Variants in MICU2 observed in about 807,000 individuals in gnomAD.
The protein encoded by MICU2 is calcium uptake protein 2, mitochondrial.
In MICU2, 64 loss-of-function variants were observed where a neutral mutation model predicts 60.4. The observed-to-expected ratio is 1.06, with a 90% CI of 0.87 to 1.31. The LOEUF is 1.31. MICU2 is among the 50% of genes most tolerant of loss of function. MICU2 has a pLI of 0.00. For synonymous variants in MICU2, 201 were observed against 175.0 expected (o/e 1.15, Z -1.17); for missense variants, 569 against 531.0 (o/e 1.07, Z -0.70).
At chr13:21,555,877 A>C (rs1002592495) in intron 2 of MICU2, among the ~76,000 whole-genome samples, 4 of 152,168 alleles carry the variant, frequency 2.6e-5, no homozygotes, top group African/African-American at 7.2e-5. Context: ...TGGTATTATG[A>C]AGGAACTCTG....
At chr13:21,502,636 A>C (rs1301218600) in intron 9 of MICU2, among the ~76,000 whole-genome samples, 1 of 152,190 alleles carries the variant, frequency 6.6e-6, no homozygotes, top group Non-Finnish European at 1.5e-5. Flanking sequence ...CTTTTAAATA[A>C]TCTTGTTAAT....
chr13:21,575,723 CTG>C (rs1888210928), intron 1 of MICU2, among the ~76,000 whole-genome samples: 1 of 80,702 alleles, frequency 1.2e-5, no homozygotes, highest in Non-Finnish European at 2.1e-5. Flanking sequence ...GAGTGAGACT[CTG>C]TCTCAAAAAA....
chr13:21,511,358 A>G (rs1886423787), intron 7 of MICU2, among the ~76,000 whole-genome samples: 1 of 152,208 alleles, frequency 6.6e-6, no homozygotes, highest in Admixed American at 6.5e-5. Flanking sequence ...TGACAACTAT[A>G]CAAAGACACT....
At chr13:21,552,953 C>T (rs568315676) in intron 2 of MICU2, among the ~76,000 whole-genome samples, 143 of 152,198 alleles carry the variant, frequency 9.4e-4, no homozygotes, top group Non-Finnish European at 1.7e-3. Context: ...GTAGTTTTTT[C>T]CAATTCTGTG....
At chr13:21,579,022 T>C (rs571115235) in intron 1 of MICU2, among the ~76,000 whole-genome samples, 8 of 152,310 alleles carry the variant, frequency 5.3e-5, no homozygotes, top group African/African-American at 1.9e-4. Flanking sequence ...CCTTATACCA[T>C]GGTTGATTAA....
At chr13:21,602,962 C>G (rs1415654829) in intron 1 of MICU2, 1 of 127,668 alleles carries the variant, frequency 7.8e-6, no homozygotes, top group Admixed American at 9.7e-5. Context: ...AAATAGGGAA[C>G]TTGAATCTTT....
At chr13:21,564,382 C>A in intron 2 of MICU2, among the ~76,000 whole-genome samples, 1 of 151,972 alleles carries the variant, frequency 6.6e-6, no homozygotes, top group East Asian at 1.9e-4. Context: ...TTTTTCTTCT[C>A]CCCCGTTGTC....
intron 6 of MICU2, among the ~76,000 whole-genome samples, chr13:21,519,350 G>A (rs1886659276): frequency 6.6e-6 from 1 of 152,136 alleles, no homozygotes; most frequent in Non-Finnish European, 1.5e-5. Flanking sequence ...GAGCTACCGT[G>A]CCCACCCTCG....
At chr13:21,523,293 T>C (rs1344473905) in intron 4 of MICU2, among the ~76,000 whole-genome samples, 1 of 152,194 alleles carries the variant, frequency 6.6e-6, no homozygotes, top group African/African-American at 2.4e-5. Flanking sequence ...ATTGGTTCTG[T>C]TTCTCTGGAG....
chr13:21,564,167 T>G (rs774362254), intron 2 of MICU2, among the ~76,000 whole-genome samples: 34 of 152,214 alleles, frequency 2.2e-4, no homozygotes, highest in Non-Finnish European at 3.4e-4. Context: ...ATAAATCTGA[T>G]ACTGATATTT....
intron 2 of MICU2, among the ~76,000 whole-genome samples, chr13:21,549,836 C>G (rs1887509194): frequency 6.6e-6 from 1 of 152,026 alleles, no homozygotes; most frequent in Non-Finnish European, 1.5e-5. Flanking sequence ...AATTAATAAC[C>G]TCAAGTGGGA....
Position 21,498,369 on chromosome 13 carries a change from C to CTTTTT in MICU2, c.934-2214_934-2210dup, listed in dbSNP as rs34890922. Among the ~76,000 whole-genome samples the CTTTTT allele has an allele frequency of 6.7e-4, 53 of 78,560 alleles. 2 individuals are homozygous for CTTTTT. Among genetic ancestry groups the CTTTTT allele is most frequent in the East Asian group, 4.7e-3 (8 of 1,698 alleles). The allele number at this position is 78,560 out of a possible 152,430, so 51.5% of individuals were successfully genotyped here. A position where few individuals can be genotyped will look rare whatever the true frequency, so the allele number is the denominator to read the frequency against. On this transcript the variant is annotated intron_variant, in intron 9 of 11. Transcript: ENST00000382374. ...TGTCTCCATCCAGAAATATCCTATTCTTTTTTTTTTTTTTTTTTTTTTTTT... is the reference window on the plus strand; with the variant it reads ...TGTCTCCATCCAGAAATATCCTATTCTTTTTTTTTTTTTTTTTTTTTTTTTTTTTT...
At chr13:21,590,465 T>A (rs1330483391) in intron 1 of MICU2, among the ~76,000 whole-genome samples, 1 of 152,342 alleles carries the variant, frequency 6.6e-6, no homozygotes, top group East Asian at 1.9e-4. Flanking sequence ...ATATCTTGTT[T>A]AAAAATAAAT....
At chr13:21,515,407 T>A (rs1179217411) in intron 6 of MICU2, 1 of 252,698 alleles carries the variant, frequency 4.0e-6, no homozygotes, top group Admixed American at 4.3e-5. Context: ...GCTATTTATA[T>A]CATACACATA....
At chr13:21,528,409 T>C (rs972034213) in intron 4 of MICU2, among the ~76,000 whole-genome samples, 1 of 152,210 alleles carries the variant, frequency 6.6e-6, no homozygotes, top group Non-Finnish European at 1.5e-5. Context: ...GAAATGTACA[T>C]GTCAACTCAT....
chr13:21,602,297 C>T (rs35747298), intron 1 of MICU2, among the ~76,000 whole-genome samples: 46,580 of 151,406 alleles, frequency 0.31, 8,359 homozygotes, highest in South Asian at 0.4. Flanking sequence ...CCAAGGCGGG[C>T]GGATCACGAG....
intron 2 of MICU2, among the ~76,000 whole-genome samples, chr13:21,541,251 T>A (rs60434759): frequency 2.6e-5 from 4 of 151,438 alleles, no homozygotes; most frequent in Non-Finnish European, 5.9e-5. Context: ...CAAAAATCTG[T>A]TAAAAAAAAA....
At chr13:21,502,192 C>T (rs540911778) in intron 9 of MICU2, among the ~76,000 whole-genome samples, 1 of 151,742 alleles carries the variant, frequency 6.6e-6, no homozygotes, top group East Asian at 1.9e-4. Context: ...ATATATTTAT[C>T]TTGCAGTTAT....
At chr13:21,521,117 T>C (rs1229380895) in intron 6 of MICU2, 128 bp downstream of exon 6, 2 of 757,204 alleles carry the variant, frequency 2.6e-6, no homozygotes, top group Admixed American at 6.2e-5. Context: ...TTTTTGAATG[T>C]CCAAATAATT....
Sources: gnomAD v4.1 joint callset for allele counts (sites outside exome capture counted in the v4.1 genomes callset) on GRCh38, gnomAD v4.1.1 for gene constraint, MANE v1.5 for transcripts, NCBI Gene and HGNC (gene_info 2026-07-23, HGNC 2026-07-21) for gene names.